The following SLC23A2 variants were observed in gnomAD, a reference collection of about 807,000 sequenced individuals.
The protein encoded by SLC23A2 is solute carrier family 23 member 2, also known as Na(+)/L-ascorbic acid transporter 2.
In SLC23A2, 36 loss-of-function variants were observed where a neutral mutation model predicts 73.3. The observed-to-expected ratio is 0.49, with a 90% CI of 0.38 to 0.65. The LOEUF is 0.65. SLC23A2 is among the 30% of genes least tolerant of loss of function. The pLI, the probability that SLC23A2 is intolerant of heterozygous loss-of-function variation, is 0.00. For missense variants in SLC23A2, 507 were observed against 841.6 expected, an observed-to-expected ratio of 0.60 and a Z score of 4.92; for synonymous variants, 343 against 327.3, an observed-to-expected ratio of 1.05 and a Z score of -0.52.
rs10634743 is a variant in SLC23A2, at chr20:4,998,805, CTTTTTTTTTT to C, written c.-282+2591_-282+2600del. On this transcript the variant is annotated intron_variant, in intron 1 of 16. Coordinates refer to ENST00000338244, the MANE Select transcript of SLC23A2 (RefSeq NM_005116.6). This position sits in a 1 kb window ranked among gnomAD's most constrained non-coding sequence, Gnocchi z 4.1. ...ATAATTTCAAATCATTACTGTTGATCTTTTTTTTTTTTTTTTTAGGAGACAGTCTCACTCT... is the reference window on the plus strand; with the variant it reads ...ATAATTTCAAATCATTACTGTTGATCTTTTTTTAGGAGACAGTCTCACTCT... Among the ~76,000 whole-genome samples, 1 of 139,460 alleles carries C rather than the reference CTTTTTTTTTT, an allele frequency of 7.2e-6. No individual in the cohort carries two copies. Among genetic ancestry groups the C allele is most frequent in the African/African-American group, 2.6e-5 (1 of 37,846 alleles). The allele number at this position is 139,460 out of a possible 152,430, so 91.5% of individuals were successfully genotyped here.
intron 3 of SLC23A2, among the ~76,000 whole-genome samples, chr20:4,921,769 GAAGA>G (rs1030625667): frequency 7.9e-5 from 12 of 152,152 alleles, no homozygotes; most frequent in Admixed American, 3.9e-4. Context: ...TCTTGTAAAT[GAAGA>G]AAGTTACACA....
intron 6 of SLC23A2, among the ~76,000 whole-genome samples, chr20:4,895,847 G>C (rs1931498176): frequency 6.6e-6 from 1 of 152,184 alleles, no homozygotes; most frequent in African/African-American, 2.4e-5. Context: ...AAGTACCAGA[G>C]GGGGCCTCAC....
chr20:4,873,181 T>G (rs2122801340), intron 11 of SLC23A2, among the ~76,000 whole-genome samples: 1 of 152,310 alleles, frequency 6.6e-6, no homozygotes, highest in Non-Finnish European at 1.5e-5. Flanking sequence ...GCTTCTCTCT[T>G]TTTCTCCTTG....
chr20:4,928,324 A>C (rs1932739005), intron 3 of SLC23A2, among the ~76,000 whole-genome samples: 1 of 152,210 alleles, frequency 6.6e-6, no homozygotes, highest in African/African-American at 2.4e-5. Flanking sequence ...TACAGGCCTG[A>C]GCATCCGCAC....
Position 4,868,246 on chromosome 20 carries a change from G to A in SLC23A2, c.1251-371C>T, listed in dbSNP as rs1930287734. On this transcript the variant is annotated intron_variant, in intron 12 of 16. Transcript: ENST00000338244. The surrounding 1 kb of genome is among the most constrained non-coding windows in gnomAD (Gnocchi z 4.4). The stretch of plus-strand genomic sequence containing the variant: ...GCACCACCATGCCTGGCTAATTTTT[G>A]TATTTTTAGTAGAGACGGGGTTTCA... 6.6e-6 allele frequency among the ~76,000 whole-genome samples: 1 copy of A among 152,074 alleles called. No homozygotes were observed. The highest frequency in any genetic ancestry group is 2.1e-4 in the South Asian group (1 of 4,830).
At chr20:4,980,956 C>G (rs143021142) in intron 1 of SLC23A2, among the ~76,000 whole-genome samples, 1 of 152,158 alleles carries the variant, frequency 6.6e-6, no homozygotes, top group Non-Finnish European at 1.5e-5. Flanking sequence ...ACACCAGTCC[C>G]GATATTTTTC....
intron 2 of SLC23A2, among the ~76,000 whole-genome samples, chr20:4,938,509 C>A (rs113376850): frequency 1.3e-5 from 2 of 151,758 alleles, no homozygotes; most frequent in East Asian, 1.9e-4. Context: ...CAGCTAATTT[C>A]GTATTTTTAG....
intron 13 of SLC23A2, among the ~76,000 whole-genome samples, chr20:4,866,048 G>T (rs888366487): frequency 1.3e-5 from 2 of 152,056 alleles, no homozygotes; most frequent in Non-Finnish European, 2.9e-5. Flanking sequence ...GGCCAGGCTG[G>T]TCTCGAACTC....
chr20:4,964,419 T>A (rs1315802343), intron 2 of SLC23A2, among the ~76,000 whole-genome samples: 4 of 152,198 alleles, frequency 2.6e-5, no homozygotes, highest in Non-Finnish European at 4.4e-5. Context: ...CAGGCTTAAA[T>A]TTTTCATTTT....
chr20:4,975,438 T>A (rs1310853595), intron 1 of SLC23A2, among the ~76,000 whole-genome samples: 1 of 152,208 alleles, frequency 6.6e-6, no homozygotes, highest in Non-Finnish European at 1.5e-5. Flanking sequence ...TGGAATGCAG[T>A]GGTGCCATCT....
chr20:4,961,891 G>A (rs896477269), intron 2 of SLC23A2, among the ~76,000 whole-genome samples: 3 of 152,122 alleles, frequency 2.0e-5, no homozygotes, highest in Non-Finnish European at 4.4e-5. Flanking sequence ...GAATTTGTTC[G>A]GACAGTTCCA....
At chr20:4,913,857 C>T (rs192380567) in intron 3 of SLC23A2, among the ~76,000 whole-genome samples, 6 of 151,944 alleles carry the variant, frequency 3.9e-5, no homozygotes, top group African/African-American at 1.4e-4. Context: ...GAACTCCTAA[C>T]CTCAGGTGAT....
intron 4 of SLC23A2, among the ~76,000 whole-genome samples, chr20:4,912,667 CAAAAAA>C (rs36084071): frequency 0.051 from 3,748 of 73,980 alleles, 179 homozygotes; most frequent in African/African-American, 0.14. Context: ...TTAAAACAAT[CAAAAAA>C]AAAAAAAAAA....
At chr20:4,861,399 ACTC>A (rs1929959966) in intron 15 of SLC23A2, among the ~76,000 whole-genome samples, 1 of 152,138 alleles carries the variant, frequency 6.6e-6, no homozygotes, top group South Asian at 2.1e-4. Flanking sequence ...ATAAACAAAC[ACTC>A]CTCAATTCTG....
intron 1 of SLC23A2, among the ~76,000 whole-genome samples, chr20:4,984,962 C>T (rs750083144): frequency 6.6e-6 from 1 of 152,084 alleles, no homozygotes. Context: ...CACGGTGAAA[C>T]CCTGTCCCTA....
upstream of SLC23A2, among the ~76,000 whole-genome samples, chr20:5,001,675 C>A (rs933054032): frequency 1.3e-5 from 2 of 150,942 alleles, no homozygotes; most frequent in African/African-American, 2.4e-5. Context: ...TCCCGGGCCT[C>A]GCACCCAGCC....
intron 1 of SLC23A2, among the ~76,000 whole-genome samples, chr20:4,977,847 AT>A (rs1269657792): frequency 1.3e-5 from 2 of 152,024 alleles, no homozygotes; most frequent in Non-Finnish European, 2.9e-5. Context: ...CCTATTTGTG[AT>A]TTTTTAAAAG....
At chr20:4,877,918 C>T (rs570877219) in intron 9 of SLC23A2, among the ~76,000 whole-genome samples, 9 of 152,374 alleles carry the variant, frequency 5.9e-5, no homozygotes, top group African/African-American at 2.2e-4. Flanking sequence ...TCTCTAAACT[C>T]CATCTCCATC....
chr20:4,932,985 G>T (rs933943592), intron 2 of SLC23A2, among the ~76,000 whole-genome samples: 1 of 151,950 alleles, frequency 6.6e-6, no homozygotes, highest in Non-Finnish European at 1.5e-5. Flanking sequence ...AATAGCTAAG[G>T]TACTTCTTTG....
Sources: gnomAD v4.1 joint callset for allele counts (sites outside exome capture counted in the v4.1 genomes callset) on GRCh38, gnomAD v4.1.1 for gene constraint, Gnocchi (gnomAD v3.1) non-coding constraint, MANE v1.5 for transcripts, NCBI Gene and HGNC (gene_info 2026-07-23, HGNC 2026-07-21) for gene names.